The following KLF12 variants were observed in gnomAD, a reference collection of about 807,000 sequenced individuals.
KLF12 encodes the protein KLF transcription factor 12, also known as Krueppel-like factor 12.
In KLF12, 9 loss-of-function variants were observed where a neutral mutation model predicts 37.8. That is an observed-to-expected ratio of 0.24 (90% CI 0.14 to 0.42). The LOEUF (loss-of-function observed/expected upper bound fraction) is 0.42, where lower values mean the gene tolerates loss of function less well. Among genes scored for constraint, KLF12 ranks in the 10% least tolerant of loss-of-function variants. KLF12 has a pLI of 1.00. For synonymous variants in KLF12, 208 were observed against 202.1 expected (o/e 1.03, Z -0.25); for missense variants, 411 against 516.0 (o/e 0.80, Z 1.97).
intron 1 of KLF12, among the ~76,000 whole-genome samples, chr13:74,034,050 C>T (rs1348002706): frequency 6.6e-5 from 10 of 151,564 alleles, no homozygotes; most frequent in Admixed American, 2.6e-4. Context: ...TACGCATTCA[C>T]TTTTTTTGTT....
the KLF12 span, among the ~76,000 whole-genome samples, chr13:74,250,396 A>T: frequency 6.6e-6 from 1 of 152,236 alleles, no homozygotes; most frequent in Non-Finnish European, 1.5e-5. Context: ...TAGGATGAGG[A>T]CAAGAATTAA....
chr13:73,695,002 A>C lies in KLF12; in HGVS notation c.*488T>G, dbSNP rs1305993343. Reference sequence around the variant, plus strand: ...CATCTGCTTCTTCGTTTCTACTTTCATGCTGCTTGCTGGTAACAGATTGGA... The same window carrying C: ...CATCTGCTTCTTCGTTTCTACTTTCCTGCTGCTTGCTGGTAACAGATTGGA... On this transcript the variant is annotated 3_prime_UTR_variant, in exon 8 of 8. Transcript: ENST00000377669. 6.5e-6 allele frequency: 1 copy of C among 152,934 alleles called. No individual in the cohort carries two copies. Among genetic ancestry groups the C allele is most frequent in the East Asian group, 1.9e-4 (1 of 5,192 alleles). 9.5% of individuals were successfully genotyped at this position (152,934 alleles called of 1,614,324 possible).
the KLF12 span, among the ~76,000 whole-genome samples, chr13:74,184,950 A>C: frequency 6.6e-6 from 1 of 152,238 alleles, no homozygotes; most frequent in African/African-American, 2.4e-5. Context: ...ATTGAAGTAC[A>C]AGGTTGGCAC....
At chr13:74,056,335 A>G (rs888281375) in intron 1 of KLF12, among the ~76,000 whole-genome samples, 4 of 152,298 alleles carry the variant, frequency 2.6e-5, no homozygotes, top group South Asian at 4.1e-4. Context: ...TTTCTAAAGC[A>G]TCTGTTAGGG....
chr13:73,810,962 T>C (rs527568330), intron 5 of KLF12, among the ~76,000 whole-genome samples: 18 of 147,008 alleles, frequency 1.2e-4, no homozygotes, highest in Non-Finnish European at 2.2e-4. Context: ...AAACAATGTT[T>C]ATTTTTTTAA....
At chr13:73,931,776 G>A (rs1045995070) in intron 3 of KLF12, among the ~76,000 whole-genome samples, 4 of 150,872 alleles carry the variant, frequency 2.7e-5, no homozygotes, top group Non-Finnish European at 4.4e-5. Flanking sequence ...AACAGCCCCT[G>A]CACTGTTTAT....
chr13:74,295,294 A>C, the KLF12 span, among the ~76,000 whole-genome samples: 1 of 151,890 alleles, frequency 6.6e-6, no homozygotes, highest in South Asian at 2.1e-4. Context: ...CTCTTTCTTC[A>C]TGTCCTGCCT....
chr13:73,869,078 T>C (rs1886338467), intron 3 of KLF12, among the ~76,000 whole-genome samples: 1 of 152,122 alleles, frequency 6.6e-6, no homozygotes, highest in Non-Finnish European at 1.5e-5. Context: ...TTGTGAAAAA[T>C]TTGCAAACTG....
At chr13:74,007,779 T>C (rs1473383870) in intron 1 of KLF12, among the ~76,000 whole-genome samples, 1 of 151,992 alleles carries the variant, frequency 6.6e-6, no homozygotes, top group Non-Finnish European at 1.5e-5. Context: ...GATTTTCGTA[T>C]GCAGACATAC....
chr13:73,928,579 T>A (rs1889516504), intron 3 of KLF12, among the ~76,000 whole-genome samples: 1 of 152,146 alleles, frequency 6.6e-6, no homozygotes, highest in South Asian at 2.1e-4. Flanking sequence ...ATTAACCAAA[T>A]CAGTTTCTAT....
At chr13:74,057,336 C>A (rs1273630733) in intron 1 of KLF12, among the ~76,000 whole-genome samples, 1 of 152,174 alleles carries the variant, frequency 6.6e-6, no homozygotes, top group Non-Finnish European at 1.5e-5. Context: ...GGAAATCCAG[C>A]TGCCTGAAAC....
the KLF12 span, among the ~76,000 whole-genome samples, chr13:74,221,163 C>T: frequency 6.6e-6 from 1 of 152,032 alleles, no homozygotes; most frequent in African/African-American, 2.4e-5. Context: ...GCCGCCACCA[C>T]GCCCGGCTAA....
intron 3 of KLF12, among the ~76,000 whole-genome samples, chr13:73,908,316 C>T (rs1218375848): frequency 1.3e-5 from 2 of 148,628 alleles, no homozygotes; most frequent in East Asian, 2.1e-4. Context: ...GCGGGAGAAT[C>T]GCTTGAACCC....
At chr13:73,753,648 G>C (rs540668291) in intron 6 of KLF12, among the ~76,000 whole-genome samples, 1 of 145,128 alleles carries the variant, frequency 6.9e-6, no homozygotes, top group Non-Finnish European at 1.5e-5. Context: ...CTGGAAAAGT[G>C]ATAATGCTAC....
intron 6 of KLF12, among the ~76,000 whole-genome samples, chr13:73,733,345 A>AT (rs1268751516): frequency 6.6e-6 from 1 of 151,954 alleles, no homozygotes; most frequent in Non-Finnish European, 1.5e-5. Context: ...CCTCTACTAT[A>AT]TTTTTTGTCT....
chr13:74,039,883 C>G (rs556970053), intron 1 of KLF12, among the ~76,000 whole-genome samples: 1 of 152,350 alleles, frequency 6.6e-6, no homozygotes, highest in Admixed American at 6.5e-5. Flanking sequence ...AATTTTCACA[C>G]ATGAGCTATT....
At chr13:73,877,495 T>G in intron 3 of KLF12, among the ~76,000 whole-genome samples, 1 of 152,200 alleles carries the variant, frequency 6.6e-6, no homozygotes, top group Non-Finnish European at 1.5e-5. Flanking sequence ...TGAAGGTATT[T>G]CACAGAATTA....
At chr13:73,866,032 G>C (rs1886158734) in intron 3 of KLF12, among the ~76,000 whole-genome samples, 1 of 152,184 alleles carries the variant, frequency 6.6e-6, no homozygotes. Context: ...GAGGTGGGTG[G>C]ATCCCTTGAG....
At chr13:73,811,812 A>G (rs35033896) in intron 5 of KLF12, among the ~76,000 whole-genome samples, 1 of 152,228 alleles carries the variant, frequency 6.6e-6, no homozygotes, top group Non-Finnish European at 1.5e-5. Context: ...ATATTCATAT[A>G]CAATATCAAC....
Sources: allele counts gnomAD v4.1 joint callset (sites outside exome capture counted in the v4.1 genomes callset), GRCh38; gene constraint gnomAD v4.1.1; transcripts MANE v1.5; gene names NCBI Gene and HGNC (gene_info 2026-07-23, HGNC 2026-07-21).